Variants in PACRGL observed in about 807,000 individuals in gnomAD.
The protein encoded by PACRGL is parkin coregulated like.
PACRGL carries 38 observed loss-of-function variants against 34.5 expected under a neutral mutation model. That is an observed-to-expected ratio of 1.10 (90% confidence interval 0.85 to 1.44). The LOEUF (loss-of-function observed/expected upper bound fraction) is 1.44, where lower values mean the gene tolerates loss of function less well. Among genes scored for constraint, PACRGL ranks in the 40% most tolerant of loss-of-function variants. The pLI, the probability that PACRGL is intolerant of heterozygous loss-of-function variation, is 0.00. For missense variants in PACRGL, 305 were observed against 281.4 expected (o/e 1.08, Z -0.60); for synonymous variants, 128 against 100.1 (o/e 1.28, Z -1.66).
At chr4:20,697,479 G>A (rs1731290352), upstream of PACRGL, among the ~76,000 whole-genome samples, 1 of 152,044 alleles carries the variant, frequency 6.6e-6, no homozygotes, top group South Asian at 2.1e-4. Flanking sequence ...TAACTCATAA[G>A]GTTATATAAT....
chr4:20,728,685 G>C lies in PACRGL; in HGVS notation c.*1344G>C, dbSNP rs1560385682. ...GTGCACATTGAGTTTACACAAACACGTGATGGCAAATTTCAGTGTACATGT... is the reference window on the plus strand; with the variant it reads ...GTGCACATTGAGTTTACACAAACACCTGATGGCAAATTTCAGTGTACATGT... On this transcript the variant is annotated 3_prime_UTR_variant, in exon 9 of 9. Transcript: ENST00000503585. The C allele has an allele frequency of 6.6e-6, 1 of 152,390 alleles. No individual in the cohort carries two copies. Among genetic ancestry groups the C allele is most frequent in the South Asian group, 2.1e-4 (1 of 4,732 alleles). The allele number at this position is 152,390 out of a possible 1,614,324, so 9.4% of individuals were successfully genotyped here.
chr4:20,699,236 A>T (rs186463722), upstream of PACRGL, among the ~76,000 whole-genome samples: 54 of 151,856 alleles, frequency 3.6e-4, no homozygotes, highest in Admixed American at 9.8e-4. Flanking sequence ...TTTTTTTTTA[A>T]AAATTTCTTT....
At chr4:20,723,021 AG>A (rs1478991552) in intron 7 of PACRGL, among the ~76,000 whole-genome samples, 1 of 152,164 alleles carries the variant, frequency 6.6e-6, no homozygotes, top group Non-Finnish European at 1.5e-5. Context: ...AATACACCCT[AG>A]GAACTACCTG....
chr4:20,707,968 T>C (rs958397367), intron 4 of PACRGL, 98 bp downstream of exon 4: 13 of 908,226 alleles, frequency 1.4e-5, no homozygotes, highest in Middle Eastern at 3.3e-4. Context: ...TTTTATTTAC[T>C]AGTGAGGTTG....
At chr4:20,701,897 A>C in intron 1 of PACRGL, 1 of 456,342 alleles carries the variant, frequency 2.2e-6, no homozygotes, top group Non-Finnish European at 4.4e-6. Flanking sequence ...AAAGGATAAA[A>C]ATTTTAAGTG....
At chr4:20,753,073 G>A (rs544855602), downstream of PACRGL, among the ~76,000 whole-genome samples, 18 of 152,212 alleles carry the variant, frequency 1.2e-4, no homozygotes, top group Admixed American at 5.2e-4. Context: ...TTTTACTTGT[G>A]AAGCTGAAAA....
the PACRGL span, chr4:20,758,994 G>A: frequency 1.2e-5 from 9 of 772,046 alleles, no homozygotes; most frequent in South Asian, 7.1e-5. Context: ...GCTGCACCAA[G>A]AAAATTAACC....
At chr4:20,757,274 CTTAT>C (rs1183260111), downstream of PACRGL, among the ~76,000 whole-genome samples, 4 of 152,118 alleles carry the variant, frequency 2.6e-5, no homozygotes, top group Admixed American at 2.6e-4. Flanking sequence ...TATGCATATA[CTTAT>C]TTAAAGACCT....
intron 6 of PACRGL, 69 bp from the exon 7 acceptor site, chr4:20,713,359 TAACC>T: frequency 1.7e-6 from 2 of 1,180,646 alleles, no homozygotes; most frequent in African/African-American, 1.5e-5. Flanking sequence ...CCCTTTTTTC[TAACC>T]TATCTTTTCT....
the PACRGL span, among the ~76,000 whole-genome samples, chr4:20,759,361 A>C: frequency 2.6e-5 from 4 of 152,184 alleles, no homozygotes; most frequent in African/African-American, 9.7e-5. Flanking sequence ...AGTAATAGAT[A>C]CTAATGCTTG....
chr4:20,709,692 T>C lies in PACRGL; in HGVS notation c.285T>C (p.His95=), dbSNP rs576053714. Residue 95 remains histidine (H), a synonymous_variant, in exon 5 of 9, where the codon CAT becomes CAC. Transcript: ENST00000503585. ...SKGGIPCRLV[H]GSVKHRLQWE... The stretch of plus-strand genomic sequence containing the variant: ...AACTTTTATATTTTAGATTGGTACA[T>C]GGTTCAGTAAAACACAGATTACAGT... The C allele has an allele frequency of 1.3e-6, 2 of 1,598,114 alleles. No individual in the cohort carries two copies. The highest frequency in any genetic ancestry group is 1.7e-4 in the Middle Eastern group (1 of 5,994).
chr4:20,721,329 A>T (rs1188533600), intron 7 of PACRGL, among the ~76,000 whole-genome samples: 1 of 152,148 alleles, frequency 6.6e-6, no homozygotes, highest in African/African-American at 2.4e-5. Flanking sequence ...TCACCTCGTC[A>T]AAGTCATTCT....
the PACRGL span, among the ~76,000 whole-genome samples, chr4:20,762,446 C>T: frequency 6.6e-6 from 1 of 151,992 alleles, no homozygotes; most frequent in Non-Finnish European, 1.5e-5. Flanking sequence ...TTATTTATTC[C>T]CAGAGATTTT....
At chr4:20,715,113 T>G (rs1739223441) in intron 7 of PACRGL, among the ~76,000 whole-genome samples, 1 of 152,194 alleles carries the variant, frequency 6.6e-6, no homozygotes, top group South Asian at 2.1e-4. Context: ...GATGAGTTCA[T>G]TCCTTTGTAG....
chr4:20,759,145 G>A, the PACRGL span, among the ~76,000 whole-genome samples: 1 of 152,162 alleles, frequency 6.6e-6, no homozygotes, highest in South Asian at 2.1e-4. Context: ...GAAACACAGT[G>A]CTGCTTTTAA....
chr4:20,747,421 C>G (rs994786031), intron 8 of PACRGL, among the ~76,000 whole-genome samples: 2 of 152,114 alleles, frequency 1.3e-5, no homozygotes, highest in Non-Finnish European at 2.9e-5. Context: ...AAACTTGTTT[C>G]TAAAGTGAAG....
chr4:20,700,634 C>G lies in PACRGL; in HGVS notation c.-170C>G, dbSNP rs1210808884. 6.6e-6 allele frequency: 1 copy of G among 152,138 alleles called. No individual in the cohort carries two copies. Among genetic ancestry groups the G allele is most frequent in the Non-Finnish European group, 1.5e-5 (1 of 68,062 alleles). 9.4% of individuals were successfully genotyped at this position (152,138 alleles called of 1,614,324 possible). ...CGGGTACAGGTGTCCTGTCTGCGCT[C>G]TCTGCCAAGCCGGCTTGCTTCCTGA... On this transcript the variant is annotated 5_prime_UTR_variant, in exon 1 of 9. Transcript: ENST00000503585.
chr4:20,712,616 TG>T, intron 5 of PACRGL, 171 bp from the exon 6 acceptor site: 1 of 596,220 alleles, frequency 1.7e-6, no homozygotes, highest in Non-Finnish European at 2.5e-6. Flanking sequence ...AGGGACCCTT[TG>T]TCCCACAGTT....
Position 20,709,746 on chromosome 4 carries a change from T to G in PACRGL, c.339T>G (p.Phe113Leu), listed in dbSNP as rs1430881323. 4.4e-6 allele frequency: 7 copies of G among 1,607,248 alleles called. No homozygotes were observed. The highest frequency in any genetic ancestry group is 5.1e-6 in the Non-Finnish European group (6 of 1,174,368). Residue 113 changes from phenylalanine to leucine, a missense_variant, in exon 5 of 9, where the codon TTT becomes TTG. By Grantham distance (22) the Phe-to-Leu change is conservative. Transcript: ENST00000503585. Reference sequence around the variant, plus strand: ...AATGTCCTCCTGAAAGTCTTTCATTTGATCCACTTCTTATTACTTTAGCTG... The same window carrying G: ...AATGTCCTCCTGAAAGTCTTTCATTGGATCCACTTCTTATTACTTTAGCTG... ...QWECPPESLSFDPLLITLAEG... is the reference protein window; with the variant it reads ...QWECPPESLSLDPLLITLAEG...
Sources: gnomAD v4.1 joint callset for allele counts (sites outside exome capture counted in the v4.1 genomes callset) on GRCh38, gnomAD v4.1.1 for gene constraint, MANE v1.5 for transcripts, NCBI Gene and HGNC (gene_info 2026-07-23, HGNC 2026-07-21) for gene names.